The following PAX2 variants were observed in gnomAD, a reference collection of about 807,000 sequenced individuals.
PAX2 encodes paired box 2.
PAX2 carries 9 observed loss-of-function variants against 41.7 expected under a neutral mutation model. That is an observed-to-expected ratio of 0.22 (90% CI 0.13 to 0.38). The LOEUF (loss-of-function observed/expected upper bound fraction) is 0.38, where lower values mean the gene tolerates loss of function less well. Among genes scored for constraint, PAX2 ranks in the 10% least tolerant of loss-of-function variants. PAX2 has a pLI of 1.00. For synonymous variants in PAX2, 221 were observed against 212.7 expected, an observed-to-expected ratio of 1.04 and a Z score of -0.34; for missense variants, 418 against 531.6, an observed-to-expected ratio of 0.79 and a Z score of 2.10.
At chr10:100,764,275 C>T (rs893025835) in intron 3 of PAX2, among the ~76,000 whole-genome samples, 11 of 151,656 alleles carry the variant, frequency 7.3e-5, no homozygotes, top group African/African-American at 2.7e-4. Context: ...TCCTGAGTAC[C>T]TGGGACCACA....
intron 1 of PAX2, chr10:100,747,085 C>T (rs1025356958): frequency 1.3e-5 from 2 of 152,250 alleles, no homozygotes; most frequent in Admixed American, 6.5e-5. Flanking sequence ...AGAGGGGCTC[C>T]GAGAAGAAAT....
chr10:100,801,078 C>T (rs965806605), intron 5 of PAX2, among the ~76,000 whole-genome samples: 1 of 152,208 alleles, frequency 6.6e-6, no homozygotes, highest in Admixed American at 6.5e-5. Flanking sequence ...AGTAGCCCCA[C>T]ACTCTGGGCT....
At chr10:100,760,447 C>T (rs146207175) in intron 3 of PAX2, among the ~76,000 whole-genome samples, 272 of 152,226 alleles carry the variant, frequency 1.8e-3, no homozygotes, top group African/African-American at 6.2e-3. Flanking sequence ...CACAGGGTCC[C>T]GACACATCTA....
At chr10:100,785,333 A>T (rs910533393) in intron 5 of PAX2, among the ~76,000 whole-genome samples, 9 of 152,206 alleles carry the variant, frequency 5.9e-5, no homozygotes, top group African/African-American at 2.2e-4. Flanking sequence ...CAAGAATCCA[A>T]ATGAAGTCAT....
At chr10:100,743,026 A>G (rs1269556983), upstream of PAX2, among the ~76,000 whole-genome samples, 1 of 151,330 alleles carries the variant, frequency 6.6e-6, no homozygotes, top group Non-Finnish European at 1.5e-5. Context: ...TTTGGAGAAA[A>G]GGGGTTCCTA....
chr10:100,804,760 G>GA (rs2133946233), intron 5 of PAX2, among the ~76,000 whole-genome samples: 1 of 152,162 alleles, frequency 6.6e-6, no homozygotes, highest in East Asian at 1.9e-4. Context: ...ACACAAAAGG[G>GA]AAAAATAAAT....
At chr10:100,747,754 G>T (rs1845250150) in intron 1 of PAX2, 1 of 985,024 alleles carries the variant, frequency 1.0e-6, no homozygotes, top group Non-Finnish European at 1.2e-6. Context: ...AGGGCATCAG[G>T]CCTCCGCGGG....
At chr10:100,757,293 A>G (rs1845668664) in intron 3 of PAX2, among the ~76,000 whole-genome samples, 1 of 152,248 alleles carries the variant, frequency 6.6e-6, no homozygotes, top group Non-Finnish European at 1.5e-5. Context: ...TACTTGGGCC[A>G]TCAGATCAAT....
intron 5 of PAX2, among the ~76,000 whole-genome samples, chr10:100,798,935 A>G (rs975348502): frequency 6.6e-6 from 1 of 152,252 alleles, no homozygotes; most frequent in Non-Finnish European, 1.5e-5. Context: ...AAGCGGGGAT[A>G]TTGATCGCGT....
At chr10:100,766,778 C>A (rs1042108548) in intron 3 of PAX2, among the ~76,000 whole-genome samples, 2 of 152,194 alleles carry the variant, frequency 1.3e-5, no homozygotes, top group Non-Finnish European at 2.9e-5. Context: ...TCACCCACAA[C>A]CACACCAAGA....
chr10:100,799,352 C>T (rs1309023279), intron 5 of PAX2, among the ~76,000 whole-genome samples: 1 of 152,236 alleles, frequency 6.6e-6, no homozygotes, highest in African/African-American at 2.4e-5. Context: ...TGCAATCTTG[C>T]ACATATTTTG....
At chr10:100,780,661 G>A (rs1447881193) in intron 4 of PAX2, among the ~76,000 whole-genome samples, 2 of 152,198 alleles carry the variant, frequency 1.3e-5, no homozygotes, top group African/African-American at 4.8e-5. Context: ...AAGCAGCTGA[G>A]AGAGAGAAAT....
intron 3 of PAX2, among the ~76,000 whole-genome samples, chr10:100,761,596 A>G (rs918868723): frequency 6.6e-6 from 1 of 152,268 alleles, no homozygotes; most frequent in African/African-American, 2.4e-5. Context: ...AGAGGGCCCT[A>G]TAAACTTTTC....
intron 5 of PAX2, among the ~76,000 whole-genome samples, chr10:100,799,485 A>T (rs549521504): frequency 6.6e-6 from 1 of 152,340 alleles, no homozygotes; most frequent in African/African-American, 2.4e-5. Context: ...GAACACAGTA[A>T]GTGCTCAGTA....
intron 7 of PAX2, among the ~76,000 whole-genome samples, chr10:100,821,435 G>C (rs1447360283): frequency 6.6e-6 from 1 of 152,200 alleles, no homozygotes; most frequent in East Asian, 1.9e-4. Flanking sequence ...CTTTTTCCTT[G>C]TCTTGGGACT....
rs1349083006 is a variant in PAX2, at chr10:100,748,178, C to T, written c.44-1568C>T. 1 of 985,078 alleles carries T rather than the reference C, an allele frequency of 1.0e-6. No individual in the cohort carries two copies. Among genetic ancestry groups the T allele is most frequent in the Non-Finnish European group, 1.2e-6 (1 of 829,894 alleles). 61.0% of individuals were successfully genotyped at this position (985,078 alleles called of 1,614,324 possible). A position where few individuals can be genotyped will look rare whatever the true frequency, so the allele number is the denominator to read the frequency against. On this transcript the variant is annotated intron_variant, in intron 1 of 9. Coordinates refer to ENST00000355243, the MANE Select transcript of PAX2 (RefSeq NM_000278.5). The surrounding 1 kb of genome is among the most constrained non-coding windows in gnomAD (Gnocchi z 5.0). ...TGGGGCTGAGGGGCCGGGCCCTGAG[C>T]CCGGGGAGGCTGAATTATTCATCTT...
intron 3 of PAX2, among the ~76,000 whole-genome samples, chr10:100,769,704 T>C (rs1846150466): frequency 6.6e-6 from 1 of 151,106 alleles, no homozygotes; most frequent in South Asian, 2.1e-4. Flanking sequence ...GAGTATATTA[T>C]TGTTATTATT....
chr10:100,793,577 G>A (rs1589863461), intron 5 of PAX2, among the ~76,000 whole-genome samples: 1 of 152,234 alleles, frequency 6.6e-6, no homozygotes, highest in African/African-American at 2.4e-5. Flanking sequence ...GTTATTCAAA[G>A]TGAGGAAAGT....
intron 7 of PAX2, among the ~76,000 whole-genome samples, chr10:100,823,842 C>A (rs1375090179): frequency 6.6e-6 from 1 of 152,094 alleles, no homozygotes; most frequent in Non-Finnish European, 1.5e-5. Flanking sequence ...GTCGGTGGAC[C>A]AGGGGTAGCA....
Sources: allele counts gnomAD v4.1 joint callset (sites outside exome capture counted in the v4.1 genomes callset), GRCh38; gene constraint gnomAD v4.1.1; non-coding constraint Gnocchi (gnomAD v3.1); transcripts MANE v1.5; gene names NCBI Gene and HGNC (gene_info 2026-07-23, HGNC 2026-07-21).